LOC128462377: variants seen among roughly 807,000 people sequenced by gnomAD.
chr16:89,335,173 C>T, the LOC128462377 span, among the ~76,000 whole-genome samples: 1 of 152,204 alleles, frequency 6.6e-6, no homozygotes. Flanking sequence ...GTGGAAAGCA[C>T]AGGAAGTGAG....
At chr16:89,391,470 C>T in the LOC128462377 span, among the ~76,000 whole-genome samples, 1 of 152,288 alleles carries the variant, frequency 6.6e-6, no homozygotes, top group African/African-American at 2.4e-5. Context: ...AACTGACTGC[C>T]TCCCTGCTGC....
chr16:89,382,639 C>A, the LOC128462377 span, among the ~76,000 whole-genome samples: 1 of 151,538 alleles, frequency 6.6e-6, no homozygotes, highest in Non-Finnish European at 1.5e-5. Context: ...ACTTGGCCGA[C>A]AAATAAACAA....
the LOC128462377 span, among the ~76,000 whole-genome samples, chr16:89,344,018 A>C: frequency 1.3e-5 from 2 of 152,124 alleles, no homozygotes; most frequent in African/African-American, 2.4e-5. Context: ...ATATCGGTGC[A>C]GGCGGCCAGC....
chr16:89,361,827 T>C, the LOC128462377 span: 3 of 152,092 alleles, frequency 2.0e-5, no homozygotes, highest in Non-Finnish European at 4.4e-5. Flanking sequence ...ACCCTAAACA[T>C]TTAAAAACAA....
At chr16:89,341,858 A>ACCG in the LOC128462377 span, among the ~76,000 whole-genome samples, 14 of 68,198 alleles carry the variant, frequency 2.1e-4, no homozygotes, top group African/African-American at 7.7e-4. Context: ...CTGCACCTCC[A>ACCG]CCCACAGCGG....
the LOC128462377 span, among the ~76,000 whole-genome samples, chr16:89,379,936 C>T: frequency 2.6e-5 from 4 of 152,176 alleles, no homozygotes; most frequent in African/African-American, 9.7e-5. Flanking sequence ...TTCCAATCAT[C>T]ATTTCTCAAA....
the LOC128462377 span, among the ~76,000 whole-genome samples, chr16:89,378,859 T>C: frequency 7.1e-6 from 1 of 141,256 alleles, no homozygotes; most frequent in Non-Finnish European, 1.5e-5. Context: ...AAGGGGTTGA[T>C]GGGTGGGGCG....
At chr16:89,358,182 C>T in the LOC128462377 span, among the ~76,000 whole-genome samples, 1 of 152,188 alleles carries the variant, frequency 6.6e-6, no homozygotes, top group African/African-American at 2.4e-5. Context: ...AATGCCACCA[C>T]GTGCGGGCAG....
At chr16:89,416,944 A>T in the LOC128462377 span, among the ~76,000 whole-genome samples, 125 of 151,862 alleles carry the variant, frequency 8.2e-4, no homozygotes, top group African/African-American at 2.9e-3. Context: ...CACCCCTTTT[A>T]TCACAACCAG....
At chr16:89,344,556 G>A in the LOC128462377 span, among the ~76,000 whole-genome samples, 2 of 152,214 alleles carry the variant, frequency 1.3e-5, no homozygotes, top group Admixed American at 1.3e-4. Flanking sequence ...GCTCCTCCTT[G>A]TCTGAACGCT....
chr16:89,354,883 TCAAA>T, the LOC128462377 span, among the ~76,000 whole-genome samples: 3 of 152,206 alleles, frequency 2.0e-5, no homozygotes, highest in Non-Finnish European at 4.4e-5. Flanking sequence ...TGAGACACTC[TCAAA>T]CAAACAAAGG....
the LOC128462377 span, among the ~76,000 whole-genome samples, chr16:89,371,914 C>A: frequency 6.6e-6 from 1 of 152,212 alleles, no homozygotes; most frequent in African/African-American, 2.4e-5. Flanking sequence ...AGGAACTCTA[C>A]TGACTGGCCT....
the LOC128462377 span, among the ~76,000 whole-genome samples, chr16:89,394,468 A>G: frequency 6.6e-6 from 1 of 152,134 alleles, no homozygotes; most frequent in Non-Finnish European, 1.5e-5. Flanking sequence ...GTCTCTATTA[A>G]AATACAAAAA....
the LOC128462377 span, among the ~76,000 whole-genome samples, chr16:89,346,036 G>A: frequency 2.6e-5 from 4 of 151,860 alleles, no homozygotes; most frequent in African/African-American, 9.7e-5. Flanking sequence ...GAGGTCAAGA[G>A]TTTGAGACCA....
the LOC128462377 span, among the ~76,000 whole-genome samples, chr16:89,383,551 G>A: frequency 6.6e-6 from 1 of 152,362 alleles, no homozygotes; most frequent in East Asian, 1.9e-4. Context: ...GAGCCATGAA[G>A]TTCCCATGGA....
At chr16:89,379,366 A>ACGGGG in the LOC128462377 span, among the ~76,000 whole-genome samples, 3 of 152,256 alleles carry the variant, frequency 2.0e-5, no homozygotes, top group Non-Finnish European at 4.4e-5. Context: ...TTACCAGTGA[A>ACGGGG]CGGGGCTTTC....
chr16:89,330,279 G>A, the LOC128462377 span, among the ~76,000 whole-genome samples: 1 of 152,114 alleles, frequency 6.6e-6, no homozygotes, highest in Non-Finnish European at 1.5e-5. Flanking sequence ...CACCACACCA[G>A]GAGCATTCCT....
the LOC128462377 span, among the ~76,000 whole-genome samples, chr16:89,405,131 T>C: frequency 6.6e-6 from 1 of 151,806 alleles, no homozygotes; most frequent in Admixed American, 6.6e-5. Context: ...GGAGGCGAGG[T>C]TGCGGTGAGT....
the LOC128462377 span, among the ~76,000 whole-genome samples, chr16:89,351,949 C>T: frequency 2.0e-5 from 3 of 152,192 alleles, no homozygotes; most frequent in Non-Finnish European, 4.4e-5. Flanking sequence ...CTCACTCTGT[C>T]GCCCAGGATG....
Sources: gnomAD v4.1 joint callset for allele counts (sites outside exome capture counted in the v4.1 genomes callset) on GRCh38, gnomAD v4.1.1 for gene constraint, MANE v1.5 for transcripts.